Variants in TENM2 observed in about 807,000 individuals in gnomAD.
TENM2 encodes the protein teneurin transmembrane protein 2.
In TENM2, 52 loss-of-function variants were observed where a neutral mutation model predicts 245.2. The ratio of observed to expected loss-of-function variants is 0.21; its 90% CI spans 0.17 to 0.27. TENM2 has a LOEUF of 0.27. Among genes scored for constraint, TENM2 ranks in the 10% least tolerant of loss-of-function variants. The pLI is 1.00. For synonymous variants in TENM2, 1,363 were observed against 1,438.9 expected, an observed-to-expected ratio of 0.95 and a Z score of 1.19; for missense variants, 3,046 against 3,666.8, an observed-to-expected ratio of 0.83 and a Z score of 4.37.
chr5:167,189,374 T>C, the TENM2 span, among the ~76,000 whole-genome samples: 3 of 152,208 alleles, frequency 2.0e-5, no homozygotes, highest in Non-Finnish European at 4.4e-5. Context: ...CAATTTATTA[T>C]TTTTGAGTTG....
chr5:167,218,107 C>T, the TENM2 span, among the ~76,000 whole-genome samples: 1 of 152,092 alleles, frequency 6.6e-6, no homozygotes, highest in Non-Finnish European at 1.5e-5. Context: ...GCCTCTAATA[C>T]AACCTTGTAG....
chr5:167,966,341 G>A lies in TENM2; in HGVS notation c.947+13519G>A, dbSNP rs112831508. On this transcript the variant is annotated intron_variant, in intron 4 of 28. Coordinates refer to ENST00000518659, the Ensembl canonical transcript of TENM2. ...CTCTGCCAGATTGCTGGGAGAAAGC[G>A]CAACAGCCATGGGTGCCATGGCTGA... Among the ~76,000 whole-genome samples the A allele has an allele frequency of 1.4e-3, 214 of 152,272 alleles. 2 individuals carry two copies. Among genetic ancestry groups the A allele is most frequent in the Non-Finnish European group, 2.7e-3 (184 of 68,018 alleles).
chr5:168,032,071 G>A (rs1253262668), intron 5 of TENM2, among the ~76,000 whole-genome samples: 3 of 152,152 alleles, frequency 2.0e-5, no homozygotes, highest in African/African-American at 7.2e-5. Flanking sequence ...GTAGTCAAGT[G>A]TTCTGAGCCA....
the TENM2 span, among the ~76,000 whole-genome samples, chr5:166,993,056 A>T: frequency 6.6e-6 from 1 of 151,812 alleles, no homozygotes; most frequent in Admixed American, 6.6e-5. Flanking sequence ...TGCATTTCTT[A>T]AACTATTGTA....
At chr5:168,152,719 A>T (rs1478288374) in intron 12 of TENM2, among the ~76,000 whole-genome samples, 2 of 152,018 alleles carry the variant, frequency 1.3e-5, no homozygotes, top group Non-Finnish European at 1.5e-5. Context: ...TGTCATCCCT[A>T]CCTTTGTGTA....
intron 2 of TENM2, among the ~76,000 whole-genome samples, chr5:167,739,120 T>C (rs1460762916): frequency 6.6e-6 from 1 of 152,176 alleles, no homozygotes; most frequent in African/African-American, 2.4e-5. Flanking sequence ...GCCCTCTCCC[T>C]CATTTGTTCC....
At chr5:167,632,787 A>T (rs74712878) in intron 2 of TENM2, among the ~76,000 whole-genome samples, 5,138 of 151,950 alleles carry the variant, frequency 0.034, 104 homozygotes, top group African/African-American at 0.068. Flanking sequence ...AACATATCTT[A>T]AAAAAAATAC....
rs146059151 is a variant in TENM2, at chr5:168,207,931, G to A, written c.3824+3310G>A. 7.9e-5 allele frequency among the ~76,000 whole-genome samples: 12 copies of A among 152,244 alleles called. No individual in the cohort carries two copies. The East Asian group carries it at 9.7e-4, about 12-fold the overall frequency. ...CTTAGGTAAAATGGTTATCACCTGC[G>A]TGCTCTGATTAGGCAGACATTTAGG... On this transcript the variant is annotated intron_variant, in intron 19 of 28. Transcript: ENST00000518659.
At chr5:168,146,157 T>C (rs1447225629) in intron 12 of TENM2, among the ~76,000 whole-genome samples, 6 of 151,956 alleles carry the variant, frequency 3.9e-5, no homozygotes, top group South Asian at 2.1e-4. Context: ...CTTTTCCTAA[T>C]TGAATACCCT....
At chr5:168,096,741 C>T (rs1007941910) in intron 8 of TENM2, among the ~76,000 whole-genome samples, 1 of 152,102 alleles carries the variant, frequency 6.6e-6, no homozygotes, top group African/African-American at 2.4e-5. Flanking sequence ...GGTCAAAGTC[C>T]CCAACTCTCC....
chr5:167,312,802 G>T (rs1349040595), intron 1 of TENM2, among the ~76,000 whole-genome samples: 1 of 151,734 alleles, frequency 6.6e-6, no homozygotes, highest in Non-Finnish European at 1.5e-5. Context: ...GGTCTAAACT[G>T]CAGTGTTCTC....
At chr5:167,726,718 C>T in intron 2 of TENM2, among the ~76,000 whole-genome samples, 1 of 152,124 alleles carries the variant, frequency 6.6e-6, no homozygotes, top group Non-Finnish European at 1.5e-5. Flanking sequence ...TTTGGCCTCC[C>T]AAAATGCTGA....
chr5:168,140,949 T>C (rs1755491867), intron 12 of TENM2, among the ~76,000 whole-genome samples: 1 of 152,112 alleles, frequency 6.6e-6, no homozygotes, highest in Non-Finnish European at 1.5e-5. Context: ...TTGCCTTGGA[T>C]AGAACACCCG....
the TENM2 span, among the ~76,000 whole-genome samples, chr5:167,269,855 A>C: frequency 2.6e-5 from 4 of 152,152 alleles, no homozygotes; most frequent in Non-Finnish European, 4.4e-5. Context: ...GAACCATCCC[A>C]GTTCTTCAAC....
At chr5:168,058,557 T>C (rs557922149) in intron 6 of TENM2, among the ~76,000 whole-genome samples, 107 of 152,332 alleles carry the variant, frequency 7.0e-4, no homozygotes, top group African/African-American at 2.3e-3. Context: ...AGTAGAACTT[T>C]AGTGTGAAGG....
intron 12 of TENM2, among the ~76,000 whole-genome samples, chr5:168,157,414 A>G (rs1757279368): frequency 6.6e-6 from 1 of 152,144 alleles, no homozygotes; most frequent in African/African-American, 2.4e-5. Flanking sequence ...TGAGACATGG[A>G]TGATGGTACA....
chr5:168,029,099 G>A (rs182293977), intron 5 of TENM2, among the ~76,000 whole-genome samples: 1 of 152,178 alleles, frequency 6.6e-6, no homozygotes, highest in African/African-American at 2.4e-5. Context: ...TTCAGTGAGG[G>A]CTCGATTTCT....
At chr5:167,101,756 T>G in the TENM2 span, among the ~76,000 whole-genome samples, 1 of 149,052 alleles carries the variant, frequency 6.7e-6, no homozygotes, top group Non-Finnish European at 1.5e-5. Context: ...TTGAGTGGCC[T>G]GTACCCAAGT....
At chr5:167,162,029 G>T in the TENM2 span, among the ~76,000 whole-genome samples, 1 of 151,818 alleles carries the variant, frequency 6.6e-6, no homozygotes, top group Non-Finnish European at 1.5e-5. Flanking sequence ...AGCCGGGTGT[G>T]GTGGCACGTA....
Sources: gnomAD v4.1 joint callset for allele counts (sites outside exome capture counted in the v4.1 genomes callset) on GRCh38, gnomAD v4.1.1 for gene constraint, MANE v1.5 for transcripts, NCBI Gene and HGNC (gene_info 2026-07-23, HGNC 2026-07-21) for gene names.